Variants in SLC35A3 observed in about 807,000 individuals in gnomAD.
SLC35A3 encodes solute carrier family 35 member A3.
A neutral mutation model predicts 39.0 loss-of-function variants in SLC35A3; 26 were observed. The ratio of observed to expected loss-of-function variants is 0.67; its 90% CI spans 0.49 to 0.92. The LOEUF (loss-of-function observed/expected upper bound fraction) is 0.92. Ranked by LOEUF, SLC35A3 falls within the 40% of genes least tolerant of loss-of-function variation. SLC35A3 has a pLI of 0.00. For synonymous variants in SLC35A3, 135 were observed against 133.1 expected (o/e 1.01, Z -0.10); for missense variants, 299 against 371.6 (o/e 0.80, Z 1.61).
rs1661439499 is a variant in SLC35A3, at chr1:100,035,261, TTTG to T, written c.*12791_*12793del. ...TCATACTGTATTTTTTACTTGTATT[TTTG>T]TTGTTTTGTGGGATTTAAAAAATAT... On this transcript the variant is annotated 3_prime_UTR_variant, in exon 8 of 8. Coordinates refer to ENST00000533028, the MANE Select transcript of SLC35A3 (RefSeq NM_012243.3). 6.6e-6 allele frequency: 1 copy of T among 152,218 alleles called. No homozygotes were observed. The highest frequency in any genetic ancestry group is 2.4e-5 in the African/African-American group (1 of 41,444). 9.4% of individuals were successfully genotyped at this position (152,218 alleles called of 1,614,324 possible). A position where few individuals can be genotyped will look rare whatever the true frequency, so the allele number is the denominator to read the frequency against.
rs900431815 is a variant in SLC35A3, at chr1:100,031,953, T to G, written c.*9477T>G. On this transcript the variant is annotated 3_prime_UTR_variant, in exon 8 of 8. Coordinates refer to ENST00000533028, the MANE Select transcript of SLC35A3 (RefSeq NM_012243.3). ...GACCAAAGTTACTTTGCTCCTATTA[T>G]GTGGTTTGATTTGTTCCCTTTATTC... The G allele has an allele frequency of 5.3e-5, 8 of 152,220 alleles. No individual in the cohort carries two copies. Among genetic ancestry groups the G allele is most frequent in the Non-Finnish European group, 1.0e-4 (7 of 68,034 alleles). The allele number at this position is 152,220 out of a possible 1,614,324, so 9.4% of individuals were successfully genotyped here.
In SLC35A3 at chr1:99,970,009, C is replaced by T; in HGVS notation, c.-172C>T. 6.5e-6 allele frequency: 1 copy of T among 153,378 alleles called. No individual in the cohort carries two copies. The highest frequency in any genetic ancestry group is 1.5e-5 in the Non-Finnish European group (1 of 68,786). 9.5% of individuals were successfully genotyped at this position (153,378 alleles called of 1,614,324 possible). On this transcript the variant is annotated 5_prime_UTR_variant, in exon 1 of 8. Coordinates refer to ENST00000533028, the MANE Select transcript of SLC35A3 (RefSeq NM_012243.3). ...CCGCGGGAACCCGGAAACGCCTGGG[C>T]TGCACCGAGCTGGCGGTGGCTACGG...
chr1:99,994,880 A>G lies in SLC35A3; in HGVS notation c.187+1139A>G, dbSNP rs115343065. ...TGTTTAACTTTTTAAGGAACCATCA[A>G]ACTGTTTTTCACAGCAACTGGATCA... On this transcript the variant is annotated intron_variant, in intron 2 of 7. Coordinates refer to ENST00000533028, the MANE Select transcript of SLC35A3 (RefSeq NM_012243.3). Among the ~76,000 whole-genome samples the G allele has an allele frequency of 6.6e-3, 1,006 of 152,282 alleles. 4 individuals are homozygous for G. The highest frequency in any genetic ancestry group is 0.011 in the Non-Finnish European group (733 of 68,026).
Position 99,993,537 on chromosome 1 carries a change from G to A in SLC35A3, c.-18G>A, listed in dbSNP as rs770595784. ...TTGCCCTGTTTATTTTGTTTTTCAG[G>A]CAAATGAAGATAAAACAATGTTCGC... On this transcript the variant is annotated splice_region_variant and 5_prime_UTR_variant, in exon 2 of 8. Coordinates refer to ENST00000533028, the MANE Select transcript of SLC35A3 (RefSeq NM_012243.3). The A allele has an allele frequency of 2.5e-6, 4 of 1,611,896 alleles. No individual in the cohort carries two copies. Among genetic ancestry groups the A allele is most frequent in the East Asian group, 4.5e-5 (2 of 44,806 alleles).
In SLC35A3 at chr1:100,033,069, G is replaced by A. The variant is rs935254391; in HGVS notation, c.*10593G>A. 5.3e-5 allele frequency: 8 copies of A among 152,076 alleles called. No homozygotes were observed. Among genetic ancestry groups the A allele is most frequent in the Admixed American group, 4.6e-4 (7 of 15,282 alleles). 9.4% of individuals were successfully genotyped at this position (152,076 alleles called of 1,614,324 possible). ...ATTTATTATAGAATCCATTGTTACT[G>A]AGCTGTCATTGTTTCTAGGCCATTT... On this transcript the variant is annotated 3_prime_UTR_variant, in exon 8 of 8. Coordinates refer to ENST00000533028, the MANE Select transcript of SLC35A3 (RefSeq NM_012243.3).
At chr1:100,020,131 C>A (rs1332751551) in intron 7 of SLC35A3, among the ~76,000 whole-genome samples, 1 of 152,036 alleles carries the variant, frequency 6.6e-6, no homozygotes, top group Admixed American at 6.5e-5. Context: ...AGTATACATA[C>A]AATAATTCTG....
Position 100,029,735 on chromosome 1 carries a change from G to A in SLC35A3, c.*7259G>A, listed in dbSNP as rs573648198. On this transcript the variant is annotated 3_prime_UTR_variant, in exon 8 of 8. Coordinates refer to ENST00000533028, the MANE Select transcript of SLC35A3 (RefSeq NM_012243.3). ...CATGAGCCATCACACCCAGCCCAGAGACTTTTAATTTATACATTGTCATTT... is the reference window on the plus strand; with the variant it reads ...CATGAGCCATCACACCCAGCCCAGAAACTTTTAATTTATACATTGTCATTT... 8 of 152,154 alleles carry A rather than the reference G, an allele frequency of 5.3e-5. No homozygotes were observed. In the South Asian group the frequency reaches 1.5e-3, roughly 28 times the overall value. The allele number at this position is 152,154 out of a possible 1,614,324, so 9.4% of individuals were successfully genotyped here.
chr1:99,970,464 C>A, intron 1 of SLC35A3: 2 of 1,066,514 alleles, frequency 1.9e-6, no homozygotes, highest in Non-Finnish European at 2.7e-6. Flanking sequence ...GTGTGTGCCT[C>A]AGCGCCTGGT....
intron 6 of SLC35A3, among the ~76,000 whole-genome samples, chr1:100,016,464 C>T (rs1660131096): frequency 6.6e-6 from 1 of 151,008 alleles, no homozygotes; most frequent in Non-Finnish European, 1.5e-5. Flanking sequence ...AGCTCCGCCT[C>T]CTGGGTTCAC....
At chr1:100,011,301 C>T (rs1570615079) in intron 4 of SLC35A3, 64 bp from the exon 5 acceptor site, 2 of 834,170 alleles carry the variant, frequency 2.4e-6, no homozygotes, top group East Asian at 2.8e-5. Context: ...AGAGTGGGCT[C>T]TCAATATGTT....
chr1:99,982,293 G>A (rs182279759), intron 1 of SLC35A3, among the ~76,000 whole-genome samples: 40 of 152,188 alleles, frequency 2.6e-4, no homozygotes, highest in African/African-American at 9.4e-4. Context: ...GAGCCACTGC[G>A]TCCGGCCTGT....
At position 100,025,685 on chromosome 1, in the gene SLC35A3, C is replaced by T. The variant is rs778228814; in HGVS notation, c.*3209C>T. ...GTCACATATACAGATAATGCCATTT[C>T]CTTGTGTGTGTGATGTGTGTTTTGA... is the stretch of plus-strand genomic sequence containing the variant. On this transcript the variant is annotated 3_prime_UTR_variant, in exon 8 of 8. Coordinates refer to ENST00000533028, the MANE Select transcript of SLC35A3 (RefSeq NM_012243.3). The T allele has an allele frequency of 7.2e-5, 11 of 151,998 alleles. No individual in the cohort carries two copies. Among genetic ancestry groups the T allele is most frequent in the Non-Finnish European group, 1.3e-4 (9 of 67,986 alleles). The allele number at this position is 151,998 out of a possible 1,614,324, so 9.4% of individuals were successfully genotyped here. A position where few individuals can be genotyped will look rare whatever the true frequency, so the allele number is the denominator to read the frequency against.
At chr1:100,020,232 A>G (rs1660442783) in intron 7 of SLC35A3, among the ~76,000 whole-genome samples, 1 of 152,132 alleles carries the variant, frequency 6.6e-6, no homozygotes, top group African/African-American at 2.4e-5. Flanking sequence ...CTCTCTCAGA[A>G]CCATCTTAAA....
At chr1:99,972,331 CTTTTTT>C (rs761559206) in intron 1 of SLC35A3, among the ~76,000 whole-genome samples, 2 of 132,016 alleles carry the variant, frequency 1.5e-5, no homozygotes, top group African/African-American at 2.9e-5. Flanking sequence ...GTACTTACTA[CTTTTTT>C]TTTTTTTTTT....
rs1043307598 is a variant in SLC35A3 at position 100,019,367 on chromosome 1, T to A, written c.887+1552T>A. ...TTGAAGATAGAAAGAGAAAAGACAA[T>A]GATACTGCCATTATTGAATGAATGA... On this transcript the variant is annotated intron_variant, in intron 7 of 7. Coordinates refer to ENST00000533028, the MANE Select transcript of SLC35A3 (RefSeq NM_012243.3). Among the ~76,000 whole-genome samples the A allele has an allele frequency of 2.0e-5, 3 of 151,450 alleles. No homozygotes were observed. In the South Asian group the frequency reaches 6.2e-4, roughly 31 times the overall value.
rs568649118 is a variant in SLC35A3 at position 100,025,242 on chromosome 1, A to G, written c.*2766A>G. ...GCAAATGCACAGAATTCAAGCTGAA[A>G]TATAATGATTTATGTTTAGCTCACA... On this transcript the variant is annotated 3_prime_UTR_variant, in exon 8 of 8. Coordinates refer to ENST00000533028, the MANE Select transcript of SLC35A3 (RefSeq NM_012243.3). 5 of 152,282 alleles carry G rather than the reference A, an allele frequency of 3.3e-5. No homozygotes were observed. The highest frequency in any genetic ancestry group is 7.2e-5 in the African/African-American group (3 of 41,478). 9.4% of individuals were successfully genotyped at this position (152,282 alleles called of 1,614,324 possible).
At chr1:99,987,341 C>CT (rs1657805206) in intron 1 of SLC35A3, among the ~76,000 whole-genome samples, 1 of 152,180 alleles carries the variant, frequency 6.6e-6, no homozygotes, top group African/African-American at 2.4e-5. Context: ...ATTCTTTCCT[C>CT]TAAGCTTGAT....
rs1017809170 is a variant in SLC35A3 at position 100,031,104 on chromosome 1, T to C, written c.*8628T>C. The C allele has an allele frequency of 3.4e-4, 52 of 152,222 alleles. No individual in the cohort carries two copies. The highest frequency in any genetic ancestry group is 1.2e-3 in the African/African-American group (51 of 41,462). The allele number at this position is 152,222 out of a possible 1,614,324, so 9.4% of individuals were successfully genotyped here. A position where few individuals can be genotyped will look rare whatever the true frequency, so the allele number is the denominator to read the frequency against. On this transcript the variant is annotated 3_prime_UTR_variant, in exon 8 of 8. Transcript: ENST00000533028. ...GTTTCATTTTGTTTTCAATGTTTTG[T>C]TTTTATAATATTGCCATTTTAATGG...
intron 5 of SLC35A3, among the ~76,000 whole-genome samples, chr1:100,012,242 G>A (rs113530791): frequency 6.6e-6 from 1 of 152,002 alleles, no homozygotes; most frequent in Non-Finnish European, 1.5e-5. Context: ...CAAGAATAAA[G>A]TGTCTTACAT....
Sources: allele counts gnomAD v4.1 joint callset (sites outside exome capture counted in the v4.1 genomes callset), GRCh38; gene constraint gnomAD v4.1.1; transcripts MANE v1.5; gene names NCBI Gene and HGNC (gene_info 2026-07-23, HGNC 2026-07-21).